The following ACCSL variants were observed in gnomAD, a reference collection of about 807,000 sequenced individuals.
ACCSL encodes 1-aminocyclopropane-1-carboxylate synthase homolog (inactive) like, also known as probable inactive 1-aminocyclopropane-1-carboxylate synthase-like protein 2.
A neutral mutation model predicts 61.7 loss-of-function variants in ACCSL; 55 were observed. The observed-to-expected ratio is 0.89, with a 90% confidence interval of 0.72 to 1.12. ACCSL has a LOEUF of 1.12. ACCSL is among the 50% of genes most tolerant of loss of function. The pLI is 0.00. For missense variants in ACCSL, 632 were observed against 698.0 expected (o/e 0.91, Z 1.07); for synonymous variants, 258 against 264.3 (o/e 0.98, Z 0.23).
the ACCSL span, among the ~76,000 whole-genome samples, chr11:43,993,174 A>T: frequency 3.3e-5 from 5 of 152,310 alleles, no homozygotes; most frequent in Non-Finnish European, 5.9e-5. Context: ...TCCCCAGCCC[A>T]TGCTGGGCTG....
At chr11:43,978,610 C>T in the ACCSL span, among the ~76,000 whole-genome samples, 2 of 151,588 alleles carry the variant, frequency 1.3e-5, no homozygotes, top group African/African-American at 4.8e-5. Flanking sequence ...GCTTTGTTCC[C>T]TCTTGGGCAG....
the ACCSL span, among the ~76,000 whole-genome samples, chr11:43,935,939 A>G: frequency 6.6e-6 from 1 of 152,136 alleles, no homozygotes; most frequent in Non-Finnish European, 1.5e-5. Flanking sequence ...AAAAGCCCAC[A>G]CTGACCCCTC....
the ACCSL span, among the ~76,000 whole-genome samples, chr11:43,972,296 C>A: frequency 6.6e-6 from 1 of 152,332 alleles, no homozygotes; most frequent in East Asian, 1.9e-4. Context: ...GTGTTCACAC[C>A]ACCTTGGTGT....
the ACCSL span, among the ~76,000 whole-genome samples, chr11:44,030,346 C>G: frequency 2.6e-5 from 4 of 151,904 alleles, no homozygotes; most frequent in Middle Eastern, 3.4e-3. Context: ...GCCCCACTCT[C>G]CCTCCTGTTT....
chr11:44,037,787 G>A, the ACCSL span, among the ~76,000 whole-genome samples: 13 of 152,160 alleles, frequency 8.5e-5, no homozygotes, highest in African/African-American at 3.1e-4. Flanking sequence ...GTGTGCCTTG[G>A]AACTATGGTA....
At chr11:43,927,642 A>G in the ACCSL span, among the ~76,000 whole-genome samples, 3 of 152,216 alleles carry the variant, frequency 2.0e-5, no homozygotes, top group Non-Finnish European at 2.9e-5. Context: ...AATTCCTAAA[A>G]GTGGGGTCGC....
chr11:43,968,879 G>C, the ACCSL span, among the ~76,000 whole-genome samples: 3 of 152,058 alleles, frequency 2.0e-5, no homozygotes, highest in Non-Finnish European at 4.4e-5. Flanking sequence ...CCTGTGTCTC[G>C]CATCTCTATC....
At chr11:43,951,009 T>C in the ACCSL span, among the ~76,000 whole-genome samples, 1 of 152,212 alleles carries the variant, frequency 6.6e-6, no homozygotes, top group African/African-American at 2.4e-5. Flanking sequence ...GTTTGGAAAG[T>C]TGAAGACCCT....
At chr11:44,036,879 T>C in the ACCSL span, among the ~76,000 whole-genome samples, 1 of 152,076 alleles carries the variant, frequency 6.6e-6, no homozygotes, top group Non-Finnish European at 1.5e-5. Flanking sequence ...ACAGTTTCCT[T>C]GATGGGTTGG....
At chr11:43,926,989 C>T in the ACCSL span, among the ~76,000 whole-genome samples, 31 of 152,266 alleles carry the variant, frequency 2.0e-4, no homozygotes, top group Non-Finnish European at 3.4e-4. Flanking sequence ...TCAAGCGATC[C>T]GCCCCCCATC....
chr11:44,033,218 G>T, the ACCSL span, among the ~76,000 whole-genome samples: 1 of 152,136 alleles, frequency 6.6e-6, no homozygotes, highest in East Asian at 1.9e-4. Context: ...TCACAGAGGA[G>T]AAACTGAAGC....
At chr11:44,037,978 G>A in the ACCSL span, among the ~76,000 whole-genome samples, 13 of 152,032 alleles carry the variant, frequency 8.6e-5, no homozygotes, top group African/African-American at 3.1e-4. Flanking sequence ...CCTTCTTTGC[G>A]TTTGAGAAAT....
chr11:44,059,067 C>T (rs1565160892), intron 13 of ACCSL, among the ~76,000 whole-genome samples: 1 of 152,076 alleles, frequency 6.6e-6, no homozygotes, highest in Non-Finnish European at 1.5e-5. Flanking sequence ...ATGGTAAAAC[C>T]CTGTCTCTAC....
the ACCSL span, among the ~76,000 whole-genome samples, chr11:43,936,190 G>A: frequency 1.3e-5 from 2 of 152,316 alleles, no homozygotes; most frequent in African/African-American, 2.4e-5. Flanking sequence ...CACTTCTGCT[G>A]TGTGGAACTC....
the ACCSL span, among the ~76,000 whole-genome samples, chr11:43,939,527 C>T: frequency 6.6e-6 from 1 of 152,124 alleles, no homozygotes; most frequent in East Asian, 1.9e-4. Flanking sequence ...CCCCCCTCCC[C>T]ACCCTTCTCT....
chr11:44,048,738 C>T (rs907569857), intron 1 of ACCSL, among the ~76,000 whole-genome samples, 198 bp downstream of exon 1: 14 of 152,084 alleles, frequency 9.2e-5, no homozygotes, highest in African/African-American at 2.2e-4. Flanking sequence ...CTCCATCCAC[C>T]CCCACATCCC....
At chr11:43,977,963 G>A in the ACCSL span, among the ~76,000 whole-genome samples, 1 of 151,582 alleles carries the variant, frequency 6.6e-6, no homozygotes, top group African/African-American at 2.4e-5. Flanking sequence ...AAGTGTTACC[G>A]GATGGGAAGA....
the ACCSL span, among the ~76,000 whole-genome samples, chr11:43,929,685 G>C: frequency 0.16 from 24,300 of 152,150 alleles, 2,050 homozygotes; most frequent in Middle Eastern, 0.24. Flanking sequence ...AGGATTACAG[G>C]CATGAGCCAC....
chr11:43,999,344 C>G, the ACCSL span, among the ~76,000 whole-genome samples: 1 of 152,206 alleles, frequency 6.6e-6, no homozygotes, highest in Admixed American at 6.5e-5. Context: ...AATACAGGCA[C>G]AGCTTAGCTG....
Sources: allele counts gnomAD v4.1 joint callset (sites outside exome capture counted in the v4.1 genomes callset), GRCh38; gene constraint gnomAD v4.1.1; transcripts MANE v1.5; gene names NCBI Gene and HGNC (gene_info 2026-07-23, HGNC 2026-07-21).